ABR: variants seen among roughly 807,000 people sequenced by gnomAD.
The protein encoded by ABR is ABR activator of RhoGEF and GTPase.
A neutral mutation model predicts 107.2 loss-of-function variants in ABR; 35 were observed. That is an observed-to-expected ratio of 0.33 (90% CI 0.25 to 0.43). The LOEUF (loss-of-function observed/expected upper bound fraction) is 0.43, where lower values mean the gene tolerates loss of function less well. ABR is among the 20% of genes least tolerant of loss of function. The pLI is 1.00. For synonymous variants in ABR, 498 were observed against 462.0 expected (o/e 1.08, Z -1.00); for missense variants, 815 against 1,115.2 (o/e 0.73, Z 3.83).
intron 8 of ABR, among the ~76,000 whole-genome samples, chr17:1,072,050 T>C (rs562508148): frequency 1.2e-4 from 18 of 152,310 alleles, no homozygotes; most frequent in African/African-American, 3.8e-4. Flanking sequence ...ACTACAGGCA[T>C]CCGCCACCAC....
intron 1 of ABR, among the ~76,000 whole-genome samples, chr17:1,203,062 T>A (rs1036233361): frequency 3.3e-5 from 5 of 152,048 alleles, no homozygotes; most frequent in African/African-American, 1.2e-4. Flanking sequence ...AATTTTGTAT[T>A]TTTAGTAGCG....
At chr17:1,109,138 G>A (rs1483552094) in intron 2 of ABR, 3 of 1,506,548 alleles carry the variant, frequency 2.0e-6, no homozygotes, top group African/African-American at 1.4e-5. Flanking sequence ...GAGGGAGGAG[G>A]GAGGAGGCGG....
In ABR at chr17:1,047,094, G is replaced by C. The variant is rs139599311; in HGVS notation, c.1791+2956C>G. Among the ~76,000 whole-genome samples, 242 of 152,314 alleles carry C rather than the reference G, an allele frequency of 1.6e-3. 2 individuals carry two copies. The highest frequency in any genetic ancestry group is 5.7e-3 in the African/African-American group (239 of 41,576). On this transcript the variant is annotated intron_variant, in intron 16 of 22. Transcript: ENST00000302538. ...GCCGTAGGGCCCCTTGCTTTCTCTG[G>C]ATGGGCTGCTGGGAGGGGGCTTAGA...
intron 1 of ABR, among the ~76,000 whole-genome samples, chr17:1,140,757 A>AT (rs1397545185): frequency 2.6e-5 from 4 of 151,856 alleles, no homozygotes; most frequent in African/African-American, 9.7e-5. Flanking sequence ...TAATTTTTGT[A>AT]TTTTTAGTAG....
At chr17:1,188,139 C>T (rs1040793183), upstream of ABR, among the ~76,000 whole-genome samples, 8 of 151,556 alleles carry the variant, frequency 5.3e-5, no homozygotes, top group African/African-American at 1.9e-4. Context: ...CACTTGAGAT[C>T]GAGGCTGCAG....
chr17:1,221,843 T>C (rs1469091488), intron 1 of ABR, among the ~76,000 whole-genome samples: 1 of 152,176 alleles, frequency 6.6e-6, no homozygotes, highest in Non-Finnish European at 1.5e-5. Flanking sequence ...CCAGGGGACC[T>C]GGAAAGGTTG....
intron 16 of ABR, among the ~76,000 whole-genome samples, chr17:1,030,053 C>G (rs1310047391): frequency 6.6e-6 from 1 of 152,220 alleles, no homozygotes; most frequent in Non-Finnish European, 1.5e-5. Context: ...GCCAACTGCT[C>G]AGCAGCTCAA....
upstream of ABR, among the ~76,000 whole-genome samples, chr17:1,188,549 CAAA>C (rs71148442): frequency 1.1e-3 from 157 of 142,162 alleles, no homozygotes; most frequent in Admixed American, 4.9e-3. Context: ...GACTCCGTCT[CAAA>C]AAAAAAAAAA....
At chr17:1,038,668 G>A (rs184786818) in intron 16 of ABR, among the ~76,000 whole-genome samples, 34 of 152,294 alleles carry the variant, frequency 2.2e-4, no homozygotes, top group African/African-American at 7.0e-4. Flanking sequence ...CCCAGGCCAC[G>A]GCAAGGGCGG....
intron 1 of ABR, among the ~76,000 whole-genome samples, chr17:1,218,198 A>G (rs2043051006): frequency 6.6e-6 from 1 of 152,220 alleles, no homozygotes; most frequent in African/African-American, 2.4e-5. Flanking sequence ...AGTGAGGTAC[A>G]ATGATCCCCA....
chr17:1,110,281 G>C (rs1319962335), intron 2 of ABR, among the ~76,000 whole-genome samples: 1 of 152,014 alleles, frequency 6.6e-6, no homozygotes, highest in East Asian at 2.0e-4. Context: ...GAGGAGTCCA[G>C]AGGAGGCCCT....
At chr17:1,140,740 G>A (rs1293559861) in intron 1 of ABR, among the ~76,000 whole-genome samples, 1 of 151,944 alleles carries the variant, frequency 6.6e-6, no homozygotes, top group East Asian at 1.9e-4. Context: ...CCGCCACCAT[G>A]CCCGGCTAAT....
At chr17:1,022,388 A>C (rs2071762914) in intron 16 of ABR, 1 of 152,458 alleles carries the variant, frequency 6.6e-6, no homozygotes, top group Admixed American at 6.5e-5. Flanking sequence ...GGGACACCGA[A>C]GCCGGCCTGT....
intron 2 of ABR, 94 bp downstream of exon 2, chr17:1,125,089 C>T: frequency 3.0e-6 from 4 of 1,326,714 alleles, no homozygotes; most frequent in Non-Finnish European, 4.1e-6. Flanking sequence ...CAGTCCCAAT[C>T]TCTCGAGACC....
chr17:1,110,885 G>A (rs2038634848), intron 2 of ABR, among the ~76,000 whole-genome samples: 6 of 152,200 alleles, frequency 3.9e-5, no homozygotes, highest in Admixed American at 3.9e-4. Flanking sequence ...GCCTGGGTGG[G>A]TTATAAATAG....
rs111799148 is a variant in ABR, at chr17:1,051,271, C to G, written c.1562-637G>C. On this transcript the variant is annotated intron_variant, in intron 14 of 22. Transcript: ENST00000302538. This position sits in a 1 kb window ranked among gnomAD's most constrained non-coding sequence, Gnocchi z 4.3. ...CGTGCGTCCCTAGTCTCTCTCCCCC[C>G]ACGACGTAAACACCATGTGGAGAGA... is the stretch of plus-strand genomic sequence containing the variant. 0.014 allele frequency among the ~76,000 whole-genome samples: 2,191 copies of G among 152,292 alleles called. 48 individuals carry two copies. Among genetic ancestry groups the G allele is most frequent in the African/African-American group, 0.05 (2,069 of 41,546 alleles).
At chr17:1,025,359 A>G (rs1001802349) in intron 16 of ABR, among the ~76,000 whole-genome samples, 1 of 152,230 alleles carries the variant, frequency 6.6e-6, no homozygotes, top group Admixed American at 6.5e-5. Context: ...CAGTGTGAAT[A>G]ACAGCACCTT....
chr17:1,100,893 G>C (rs1469506182), intron 2 of ABR, 158 bp from the exon 3 acceptor site: 1 of 674,152 alleles, frequency 1.5e-6, no homozygotes, highest in African/African-American at 1.8e-5. Flanking sequence ...GCACAATCTC[G>C]GCTCACTGCA....
At chr17:1,191,076 G>A (rs1053962419), upstream of ABR, among the ~76,000 whole-genome samples, 8 of 152,184 alleles carry the variant, frequency 5.3e-5, no homozygotes, top group Non-Finnish European at 1.0e-4. Context: ...TATACAGTGC[G>A]ACACCAGACT....
Sources: gnomAD v4.1 joint callset for allele counts (sites outside exome capture counted in the v4.1 genomes callset) on GRCh38, gnomAD v4.1.1 for gene constraint, Gnocchi (gnomAD v3.1) non-coding constraint, MANE v1.5 for transcripts, NCBI Gene and HGNC (gene_info 2026-07-23, HGNC 2026-07-21) for gene names.